SCHIP1: variants seen among roughly 807,000 people sequenced by gnomAD.
SCHIP1 encodes schwannomin-interacting protein 1.
SCHIP1 carries 8 observed loss-of-function variants against 29.7 expected under a neutral mutation model. The ratio of observed to expected loss-of-function variants is 0.27; its 90% CI spans 0.16 to 0.49. SCHIP1 has a LOEUF of 0.49. SCHIP1 is among the 20% of genes least tolerant of loss of function. The pLI, the probability that SCHIP1 is intolerant of heterozygous loss-of-function variation, is 0.99. For synonymous variants in SCHIP1, 76 were observed against 94.9 expected (o/e 0.80, Z 1.16); for missense variants, 193 against 294.6 (o/e 0.66, Z 2.52).
chr3:159,775,989 A>G, the SCHIP1 span, among the ~76,000 whole-genome samples: 2 of 152,238 alleles, frequency 1.3e-5, no homozygotes, highest in Non-Finnish European at 2.9e-5. Flanking sequence ...TGTCAAGTCC[A>G]GCAGCATAAT....
At chr3:159,826,527 G>C in the SCHIP1 span, among the ~76,000 whole-genome samples, 2 of 152,182 alleles carry the variant, frequency 1.3e-5, no homozygotes, top group Non-Finnish European at 2.9e-5. Context: ...GAGGCCATGA[G>C]AAGAAAGCAA....
chr3:159,754,700 AG>A, the SCHIP1 span, among the ~76,000 whole-genome samples: 4 of 152,236 alleles, frequency 2.6e-5, no homozygotes, highest in Admixed American at 1.3e-4. Context: ...TAATTATGCC[AG>A]GACAACAAGT....
chr3:159,389,669 G>A, the SCHIP1 span, among the ~76,000 whole-genome samples: 1 of 152,030 alleles, frequency 6.6e-6, no homozygotes, highest in Non-Finnish European at 1.5e-5. Context: ...GAATAAGACA[G>A]AGAAATGTGA....
At chr3:159,579,956 A>G in the SCHIP1 span, among the ~76,000 whole-genome samples, 4 of 152,162 alleles carry the variant, frequency 2.6e-5, no homozygotes, top group African/African-American at 9.6e-5. Flanking sequence ...CTCACCACAT[A>G]CTTCCTATCT....
the SCHIP1 span, among the ~76,000 whole-genome samples, chr3:159,555,200 G>C: frequency 6.6e-6 from 1 of 152,090 alleles, no homozygotes; most frequent in East Asian, 1.9e-4. Flanking sequence ...ACTACCAAAA[G>C]ATACAAGGAG....
At chr3:159,374,888 C>A in the SCHIP1 span, among the ~76,000 whole-genome samples, 1 of 152,090 alleles carries the variant, frequency 6.6e-6, no homozygotes, top group Non-Finnish European at 1.5e-5. Flanking sequence ...GTCAAAACTG[C>A]CATGTGTTCT....
chr3:159,738,099 A>G, the SCHIP1 span, among the ~76,000 whole-genome samples: 2 of 152,242 alleles, frequency 1.3e-5, no homozygotes, highest in South Asian at 2.1e-4. Context: ...GTAATAAACT[A>G]TAAAGTGAAA....
the SCHIP1 span, among the ~76,000 whole-genome samples, chr3:159,462,724 C>CTTTT: frequency 2.0e-5 from 3 of 152,124 alleles, no homozygotes; most frequent in African/African-American, 7.2e-5. Context: ...CCCTCGGGAA[C>CTTTT]TTTTCTTCCC....
At chr3:159,839,798 T>C, upstream of SCHIP1, 2 of 947,688 alleles carry the variant, frequency 2.1e-6, no homozygotes, top group Non-Finnish European at 2.8e-6. Context: ...GACTAGAATG[T>C]TTCCACATCA....
intron 3 of SCHIP1, chr3:159,887,397 G>A (rs764246462): frequency 8.9e-5 from 26 of 292,388 alleles, no homozygotes; most frequent in African/African-American, 1.9e-4. Context: ...CCTTGGCTTC[G>A]AGTCAATATT....
the SCHIP1 span, among the ~76,000 whole-genome samples, chr3:159,627,170 G>C: frequency 6.6e-6 from 1 of 152,090 alleles, no homozygotes; most frequent in Non-Finnish European, 1.5e-5. Context: ...GAGAATGATG[G>C]TTTTCAGCTT....
chr3:159,445,940 T>G, the SCHIP1 span, among the ~76,000 whole-genome samples: 1 of 150,832 alleles, frequency 6.6e-6, no homozygotes, highest in Non-Finnish European at 1.5e-5. Flanking sequence ...GATGAGTTAA[T>G]GGGTGCAGCA....
upstream of SCHIP1, among the ~76,000 whole-genome samples, chr3:159,837,866 C>G (rs1438315543): frequency 6.6e-6 from 1 of 152,150 alleles, no homozygotes; most frequent in African/African-American, 2.4e-5. Context: ...TTTCCATCTT[C>G]TTGTCTTCAT....
At chr3:159,805,433 G>T in the SCHIP1 span, among the ~76,000 whole-genome samples, 1 of 152,208 alleles carries the variant, frequency 6.6e-6, no homozygotes, top group Non-Finnish European at 1.5e-5. Context: ...ACACAAGGAG[G>T]TTGTAAGCAA....
chr3:159,712,816 A>G, the SCHIP1 span, among the ~76,000 whole-genome samples: 37 of 150,236 alleles, frequency 2.5e-4, no homozygotes, highest in African/African-American at 9.0e-4. Flanking sequence ...AGAAAAAGAA[A>G]GAAAGAAGAG....
the SCHIP1 span, among the ~76,000 whole-genome samples, chr3:159,625,993 A>C: frequency 1.3e-5 from 2 of 151,614 alleles, no homozygotes; most frequent in African/African-American, 4.9e-5. Flanking sequence ...CCTCAGGAGG[A>C]TTTGACATGA....
chr3:159,598,689 G>A, the SCHIP1 span, among the ~76,000 whole-genome samples: 22 of 152,122 alleles, frequency 1.4e-4, no homozygotes. Flanking sequence ...AGATATCAGT[G>A]GATCTACCTG....
At chr3:159,765,255 A>T in the SCHIP1 span, 1 of 1,235,546 alleles carries the variant, frequency 8.1e-7, no homozygotes, top group Non-Finnish European at 1.1e-6. Context: ...TTCTTCCTCG[A>T]GGGTGGGGGC....
chr3:159,757,125 C>A, the SCHIP1 span, among the ~76,000 whole-genome samples: 2 of 152,248 alleles, frequency 1.3e-5, no homozygotes, highest in Non-Finnish European at 2.9e-5. Context: ...GCACCCCACT[C>A]TACTGGTACA....
Sources: gnomAD v4.1 joint callset for allele counts (sites outside exome capture counted in the v4.1 genomes callset) on GRCh38, gnomAD v4.1.1 for gene constraint, MANE v1.5 for transcripts, NCBI Gene and HGNC (gene_info 2026-07-23, HGNC 2026-07-21) for gene names.